DDAH1: variants seen among roughly 807,000 people sequenced by gnomAD.
The protein encoded by DDAH1 is dimethylarginine dimethylaminohydrolase 1, also known as N(G),N(G)-dimethylarginine dimethylaminohydrolase 1.
A neutral mutation model predicts 28.8 loss-of-function variants in DDAH1; 19 were observed. The observed-to-expected ratio is 0.66, with a 90% CI of 0.46 to 0.97. DDAH1 has a LOEUF of 0.97. DDAH1 is among the 50% of genes least tolerant of loss of function. DDAH1 has a pLI of 0.00. For synonymous variants in DDAH1, 153 were observed against 154.4 expected, an observed-to-expected ratio of 0.99 and a Z score of 0.07; for missense variants, 326 against 375.9, an observed-to-expected ratio of 0.87 and a Z score of 1.10.
intron 1 of DDAH1, among the ~76,000 whole-genome samples, chr1:85,385,795 T>G (rs1445267775): frequency 6.6e-6 from 1 of 152,184 alleles, no homozygotes; most frequent in Admixed American, 6.5e-5. Flanking sequence ...TGTATTTGGC[T>G]CAAGGTTCCA....
intron 1 of DDAH1, among the ~76,000 whole-genome samples, chr1:85,367,657 G>A (rs1457539511): frequency 6.6e-6 from 1 of 152,148 alleles, no homozygotes; most frequent in African/African-American, 2.4e-5. Flanking sequence ...CCAGGGTCTG[G>A]TGCAAGTGAC....
At chr1:85,524,547 T>C (rs1657797696) in intron 1 of DDAH1, among the ~76,000 whole-genome samples, 1 of 151,974 alleles carries the variant, frequency 6.6e-6, no homozygotes, top group Non-Finnish European at 1.5e-5. Context: ...ACAGAACTAC[T>C]ATCAACCTGA....
chr1:85,432,129 C>T (rs2100637208), intron 1 of DDAH1, among the ~76,000 whole-genome samples: 1 of 152,272 alleles, frequency 6.6e-6, no homozygotes, highest in East Asian at 1.9e-4. Flanking sequence ...TCTTTAGGCC[C>T]ATGTCCTTCT....
chr1:85,445,527 G>A (rs1654394349), intron 1 of DDAH1, among the ~76,000 whole-genome samples: 1 of 152,220 alleles, frequency 6.6e-6, no homozygotes, highest in African/African-American at 2.4e-5. Context: ...GTGAAGATAT[G>A]TGAAAGAATA....
intron 1 of DDAH1, among the ~76,000 whole-genome samples, chr1:85,531,814 T>C (rs1344171158): frequency 1.1e-4 from 16 of 144,870 alleles, no homozygotes; most frequent in Middle Eastern, 3.5e-3. Context: ...GTACTATTAG[T>C]ATTCCCATTT....
chr1:85,440,479 G>T (rs1328639640), intron 1 of DDAH1, among the ~76,000 whole-genome samples: 1 of 152,172 alleles, frequency 6.6e-6, no homozygotes, highest in Non-Finnish European at 1.5e-5. Flanking sequence ...GGGAAAGACT[G>T]TTATATGGGT....
At chr1:85,428,352 C>A (rs999922560) in intron 1 of DDAH1, among the ~76,000 whole-genome samples, 2 of 152,174 alleles carry the variant, frequency 1.3e-5, no homozygotes, top group African/African-American at 4.8e-5. Context: ...AAGGCAAAGT[C>A]ATGTCTTACA....
chr1:85,497,313 AAC>A (rs764142822), intron 1 of DDAH1, among the ~76,000 whole-genome samples: 117 of 152,236 alleles, frequency 7.7e-4, no homozygotes, highest in Non-Finnish European at 1.4e-3. Context: ...ATTGGTATAT[AAC>A]ACACAGCTGG....
chr1:85,331,121 A>G (rs1415487391), intron 4 of DDAH1, among the ~76,000 whole-genome samples: 2 of 152,226 alleles, frequency 1.3e-5, no homozygotes, highest in South Asian at 2.1e-4. Context: ...TTTCAGCCCA[A>G]GAGAATCTGC....
intron 1 of DDAH1, among the ~76,000 whole-genome samples, chr1:85,449,683 A>T (rs113027679): frequency 6.6e-6 from 1 of 152,090 alleles, no homozygotes; most frequent in African/African-American, 2.4e-5. Flanking sequence ...TAACACTGGA[A>T]GGGGTCTCTG....
intron 1 of DDAH1, among the ~76,000 whole-genome samples, chr1:85,508,353 C>A (rs772408507): frequency 4.6e-5 from 7 of 152,118 alleles, no homozygotes; most frequent in Non-Finnish European, 1.0e-4. Flanking sequence ...TAAGATAGGC[C>A]AAGATGGCCA....
intron 1 of DDAH1, among the ~76,000 whole-genome samples, chr1:85,406,110 G>C (rs907962928): frequency 5.3e-5 from 8 of 152,148 alleles, no homozygotes; most frequent in Non-Finnish European, 8.8e-5. Context: ...AAATGTGAAA[G>C]TTGGAGCCCA....
intron 1 of DDAH1, among the ~76,000 whole-genome samples, chr1:85,397,736 A>G (rs1347430920): frequency 6.6e-6 from 1 of 152,202 alleles, no homozygotes; most frequent in Non-Finnish European, 1.5e-5. Context: ...TTTGAGAATT[A>G]ATAGAATGCC....
At chr1:85,554,276 G>GTTTTTTTTTTTTTTTTTT (rs368410411) in intron 1 of DDAH1, among the ~76,000 whole-genome samples, 1 of 110,726 alleles carries the variant, frequency 9.0e-6, no homozygotes, top group African/African-American at 3.6e-5. Context: ...AATTGTAAGA[G>GTTTTTTTTTTTTTTTTTT]TTTTTTTTTT....
chr1:85,330,806 C>G (rs934118986), intron 4 of DDAH1, among the ~76,000 whole-genome samples: 17 of 152,194 alleles, frequency 1.1e-4, no homozygotes, highest in African/African-American at 4.1e-4. Context: ...ATGGTACGCC[C>G]CCTTCGGGCT....
At chr1:85,403,249 A>ACG (rs1181221915) in intron 1 of DDAH1, among the ~76,000 whole-genome samples, 2 of 150,770 alleles carry the variant, frequency 1.3e-5, no homozygotes, top group Non-Finnish European at 3.0e-5. Flanking sequence ...ATATATACAC[A>ACG]CACACATGCA....
At chr1:85,434,573 G>A (rs2100641617) in intron 1 of DDAH1, among the ~76,000 whole-genome samples, 1 of 152,060 alleles carries the variant, frequency 6.6e-6, no homozygotes, top group South Asian at 2.1e-4. Flanking sequence ...TATATTTTTA[G>A]TAGAGTCAGG....
In DDAH1 at chr1:85,318,743, G is replaced by GA. The variant is rs1384710088; in HGVS notation, c.*2708dup. 6.6e-6 allele frequency: 1 copy of GA among 152,550 alleles called. No homozygotes were observed. The highest frequency in any genetic ancestry group is 1.5e-5 in the Non-Finnish European group (1 of 68,012). 9.4% of individuals were successfully genotyped at this position (152,550 alleles called of 1,614,324 possible). A position where few individuals can be genotyped will look rare whatever the true frequency, so the allele number is the denominator to read the frequency against. On this transcript the variant is annotated 3_prime_UTR_variant, in exon 6 of 6. Transcript: ENST00000284031. ...TAAAGTGTAAATAATTACAAAGACT[G>GA]ACATGCAACTCTTTACCTTACATTA... is the stretch of plus-strand genomic sequence containing the variant.
chr1:85,350,462 T>G lies in DDAH1; in HGVS notation c.550A>C (p.Asn184His). The G allele has an allele frequency of 6.2e-7, 1 of 1,614,116 alleles. No individual in the cohort carries two copies. The highest frequency in any genetic ancestry group is 1.1e-5 in the South Asian group (1 of 91,084). The change falls in exon 4 of 6, where the codon AAC (asparagine) becomes CAC (histidine). Residue 184 changes from asparagine (N) to histidine (H), a missense_variant. By Grantham distance (68) the Asn-to-His change is moderately conservative (BLOSUM62 1). Coordinates refer to ENST00000284031, the MANE Select transcript of DDAH1 (RefSeq NM_012137.4). Reference sequence around the variant, plus strand: ...TCACTAGACCCAATTGCGATCAGGTTAGGCCCAGCCATGCTGCAGAAACTC... The same window carrying G: ...TCACTAGACCCAATTGCGATCAGGTGAGGCCCAGCCATGCTGCAGAAACTC... Reference protein sequence around the residue: ...LKSFCSMAGPNLIAIGSSESA... With the variant: ...LKSFCSMAGPHLIAIGSSESA...
Sources: allele counts gnomAD v4.1 joint callset (sites outside exome capture counted in the v4.1 genomes callset), GRCh38; gene constraint gnomAD v4.1.1; transcripts MANE v1.5; gene names NCBI Gene and HGNC (gene_info 2026-07-23, HGNC 2026-07-21).